Variants in RSU1 observed in about 807,000 individuals in gnomAD.
The protein encoded by RSU1 is rsu-1.
Under a neutral mutation model 31.1 loss-of-function variants are expected in RSU1, and 26 were observed. The ratio of observed to expected loss-of-function variants is 0.84; its 90% CI spans 0.61 to 1.16. RSU1 has a LOEUF of 1.16. RSU1 is among the 50% of genes most tolerant of loss of function. RSU1 has a pLI of 0.00. For missense variants in RSU1, 320 were observed against 339.1 expected (o/e 0.94, Z 0.44); for synonymous variants, 164 against 136.3 (o/e 1.20, Z -1.41).
In RSU1 at chr10:16,759,367, C is replaced by T. The variant is rs111986129; in HGVS notation, c.282-4378G>A. ...AAAAAACCTACAAAAATCAGCATGG[C>T]GTGGTGGTGCGTACCTGTGGTCCCA... On this transcript the variant is annotated intron_variant, in intron 4 of 8. Coordinates refer to ENST00000345264, the MANE Select transcript of RSU1 (RefSeq NM_012425.4). 3.1e-3 allele frequency among the ~76,000 whole-genome samples: 476 copies of T among 151,918 alleles called. 4 individuals are homozygous for T. Among genetic ancestry groups the T allele is most frequent in the Middle Eastern group, 0.01 (3 of 292 alleles).
intron 7 of RSU1, among the ~76,000 whole-genome samples, chr10:16,740,401 A>C (rs984407744): frequency 6.6e-6 from 1 of 152,246 alleles, no homozygotes; most frequent in South Asian, 2.1e-4. Flanking sequence ...ATAATATTCT[A>C]TGGTGAATGA....
chr10:16,737,047 T>C (rs1444998971), intron 7 of RSU1, among the ~76,000 whole-genome samples: 1 of 150,556 alleles, frequency 6.6e-6, no homozygotes, highest in East Asian at 2.0e-4. Context: ...GGGAAGATGA[T>C]GAAAAGAAAC....
intron 8 of RSU1, among the ~76,000 whole-genome samples, chr10:16,676,773 T>C (rs1377962132): frequency 6.6e-6 from 1 of 152,156 alleles, no homozygotes; most frequent in Non-Finnish European, 1.5e-5. Flanking sequence ...CCTGTATAAA[T>C]GTGTGTTATA....
intron 8 of RSU1, among the ~76,000 whole-genome samples, chr10:16,594,755 A>G (rs1213740368): frequency 7.0e-6 from 1 of 143,776 alleles, no homozygotes; most frequent in Non-Finnish European, 1.5e-5. Flanking sequence ...TATAAAATAT[A>G]CTATATTATC....
chr10:16,624,292 G>A (rs1834119811), intron 8 of RSU1, among the ~76,000 whole-genome samples: 1 of 152,092 alleles, frequency 6.6e-6, no homozygotes. Context: ...TGAAGGGCTG[G>A]AGTAGACATC....
chr10:16,803,408 A>C (rs1838199338), intron 2 of RSU1, among the ~76,000 whole-genome samples: 1 of 152,188 alleles, frequency 6.6e-6, no homozygotes, highest in Non-Finnish European at 1.5e-5. Context: ...AAGACTCAAC[A>C]CTGTTATGAT....
chr10:16,765,155 GA>G (rs1216461681), intron 3 of RSU1, among the ~76,000 whole-genome samples: 3 of 152,084 alleles, frequency 2.0e-5, no homozygotes, highest in African/African-American at 7.2e-5. Context: ...AAGAAAGATG[GA>G]GATCTCCAAA....
chr10:16,699,771 G>A (rs1835750655), intron 7 of RSU1, among the ~76,000 whole-genome samples: 1 of 152,218 alleles, frequency 6.6e-6, no homozygotes, highest in Admixed American at 6.5e-5. Flanking sequence ...GTTGGAAGGC[G>A]CAGGCCACTG....
At chr10:16,613,183 C>T (rs996918953) in intron 8 of RSU1, among the ~76,000 whole-genome samples, 2 of 152,168 alleles carry the variant, frequency 1.3e-5, no homozygotes, top group African/African-American at 4.8e-5. Flanking sequence ...AAAAGGCACA[C>T]CAGTGAGGCA....
intron 8 of RSU1, among the ~76,000 whole-genome samples, chr10:16,647,449 A>G (rs567448506): frequency 6.6e-6 from 1 of 152,226 alleles, no homozygotes; most frequent in Non-Finnish European, 1.5e-5. Flanking sequence ...ACTTGTACGG[A>G]AATGTTCACA....
At chr10:16,636,202 C>G (rs1413549871) in intron 8 of RSU1, among the ~76,000 whole-genome samples, 1 of 152,186 alleles carries the variant, frequency 6.6e-6, no homozygotes, top group Non-Finnish European at 1.5e-5. Flanking sequence ...AGCCACCTGC[C>G]TACTGAATAT....
At position 16,592,586 on chromosome 10, in the gene RSU1, T is replaced by C. The variant is rs748451262; in HGVS notation, c.*808A>G. 2 of 152,158 alleles carry C rather than the reference T, an allele frequency of 1.3e-5. No homozygotes were observed. The highest frequency in any genetic ancestry group is 2.9e-5 in the Non-Finnish European group (2 of 68,028). 9.4% of individuals were successfully genotyped at this position (152,158 alleles called of 1,614,324 possible). A position where few individuals can be genotyped will look rare whatever the true frequency, so the allele number is the denominator to read the frequency against. On this transcript the variant is annotated 3_prime_UTR_variant, in exon 9 of 9. Coordinates refer to ENST00000345264, the MANE Select transcript of RSU1 (RefSeq NM_012425.4). ...CAGTTGAGGTTTTTTCTCTCTCTCT[T>C]TCACAGTTCTTGTCTACCAGCCCCT...
At chr10:16,652,392 C>CAAAAGAAAA (rs1834701183) in intron 8 of RSU1, among the ~76,000 whole-genome samples, 1 of 89,158 alleles carries the variant, frequency 1.1e-5, no homozygotes, top group Non-Finnish European at 2.2e-5. Flanking sequence ...TGCCCCAAAG[C>CAAAAGAAAA]AAAAAAAAAA....
intron 7 of RSU1, among the ~76,000 whole-genome samples, chr10:16,743,981 T>C (rs1021452518): frequency 6.6e-6 from 1 of 151,784 alleles, no homozygotes; most frequent in African/African-American, 2.4e-5. Context: ...AGTTAAAAAA[T>C]TAGCCAGGCA....
At chr10:16,608,687 C>A (rs914599386) in intron 8 of RSU1, among the ~76,000 whole-genome samples, 1 of 151,984 alleles carries the variant, frequency 6.6e-6, no homozygotes, top group Non-Finnish European at 1.5e-5. Context: ...GAGAGCTCAA[C>A]AGGAGATGAG....
chr10:16,788,698 C>T (rs560683052), intron 2 of RSU1, among the ~76,000 whole-genome samples: 1 of 152,308 alleles, frequency 6.6e-6, no homozygotes, highest in African/African-American at 2.4e-5. Context: ...CTGAGCTCAG[C>T]CATCACATCT....
intron 8 of RSU1, among the ~76,000 whole-genome samples, chr10:16,622,105 C>T (rs1298641010): frequency 6.6e-6 from 1 of 152,066 alleles, no homozygotes; most frequent in Non-Finnish European, 1.5e-5. Context: ...CTACTAAATG[C>T]CCACAAAAAT....
chr10:16,749,109 G>C (rs1836920767), intron 7 of RSU1, among the ~76,000 whole-genome samples: 1 of 152,148 alleles, frequency 6.6e-6, no homozygotes, highest in Non-Finnish European at 1.5e-5. Flanking sequence ...ATGAATAAAT[G>C]AATGAATGGG....
chr10:16,613,354 C>A (rs1444366696), intron 8 of RSU1, among the ~76,000 whole-genome samples: 1 of 152,228 alleles, frequency 6.6e-6, no homozygotes, highest in Non-Finnish European at 1.5e-5. Context: ...CACCTTCCTG[C>A]CACGCCTCAG....
Sources: allele counts gnomAD v4.1 joint callset (sites outside exome capture counted in the v4.1 genomes callset), GRCh38; gene constraint gnomAD v4.1.1; transcripts MANE v1.5; gene names NCBI Gene and HGNC (gene_info 2026-07-23, HGNC 2026-07-21).